The following ZNF875 variants were observed in gnomAD, a reference collection of about 807,000 sequenced individuals.
ZNF875 encodes the protein HKR1, GLI-Kruppel zinc finger family member.
ZNF875 carries 14 observed loss-of-function variants against 11.2 expected under a neutral mutation model. The ratio of observed to expected loss-of-function variants is 1.26; its 90% CI spans 0.83 to 1.96. The LOEUF is 1.96. Among genes scored for constraint, ZNF875 ranks in the 30% most tolerant of loss-of-function variants. The probability of loss-of-function intolerance (pLI) is 0.00; values close to 1 mark genes in which losing one functional copy is unlikely to be tolerated. For missense variants in ZNF875, 752 were observed against 760.4 expected (o/e 0.99, Z 0.13); for synonymous variants, 301 against 281.1 (o/e 1.07, Z -0.71).
chr19:37,350,994 G>A (rs2037797017), intron 4 of ZNF875, among the ~76,000 whole-genome samples: 1 of 151,626 alleles, frequency 6.6e-6, no homozygotes. Context: ...AGTAGAGACG[G>A]GGTTTCACCA....
chr19:37,344,699 C>T, intron 2 of ZNF875: 1 of 1,613,970 alleles, frequency 6.2e-7, no homozygotes. Flanking sequence ...GGGTCAACCA[C>T]ACAGTGTCTA....
chr19:37,343,228 T>C (rs922956433), intron 2 of ZNF875, among the ~76,000 whole-genome samples: 6 of 151,834 alleles, frequency 4.0e-5, no homozygotes, highest in African/African-American at 1.2e-4. Flanking sequence ...TCCCAGCTAC[T>C]TGGGAGGCTG....
In ZNF875 at chr19:37,360,965, A is replaced by C. The variant is rs376113746; in HGVS notation, c.257-1144A>C. Among the ~76,000 whole-genome samples, 41 of 151,934 alleles carry C rather than the reference A, an allele frequency of 2.7e-4. No homozygotes were observed. In the East Asian group the frequency reaches 4.2e-3, roughly 16 times the overall value. ...TTTATATATTTATCTTATATGACCT[A>C]AGTACAATTATGACTTCTAGTTGCT... On this transcript the variant is annotated intron_variant, in intron 4 of 4. Coordinates refer to ENST00000392153, the MANE Select transcript of ZNF875 (RefSeq NM_001353803.2).
At position 37,362,476 on chromosome 19, in the gene ZNF875, A is replaced by T. The variant is rs754267556; in HGVS notation, c.624A>T (p.Leu208=). ...IGSSPERRAD[L]EETDKVLHGL... is the part of the protein sequence containing the mutation. ...CCAGCCCTGAACGGAGGGCAGATCT[A>T]GAGGAAACAGACAAAGTATTGCATG... The change falls in exon 5 of 5, where the codon CTA becomes CTT. Residue 208 remains leucine, a synonymous_variant. Transcript: ENST00000392153. 6.2e-6 allele frequency: 10 copies of T among 1,614,230 alleles called. No homozygotes were observed. Among genetic ancestry groups the T allele is most frequent in the South Asian group, 3.3e-5 (3 of 91,084 alleles).
In ZNF875 at chr19:37,363,200, T is replaced by C. The variant is rs2040263204; in HGVS notation, c.1348T>C (p.Tyr450His). The change falls in exon 5 of 5, where the codon TAT becomes CAT. Residue 450 changes from tyrosine to histidine, a missense_variant. Tyr to His is a moderately conservative substitution (Grantham distance 83, BLOSUM62 2). Transcript: ENST00000392153. The stretch of plus-strand genomic sequence containing the variant: ...GAGGACACACTCAGGGGTTAAACCT[T>C]ATGTCTGCCTGGAGTGCGGGCAGTG... ...HQRTHSGVKP[Y>H]VCLECGQCFS... 1.2e-6 allele frequency: 2 copies of C among 1,613,974 alleles called. No homozygotes were observed. The highest frequency in any genetic ancestry group is 1.7e-6 in the Non-Finnish European group (2 of 1,179,972).
At chr19:37,348,931 A>G (rs2037339160) in intron 4 of ZNF875, among the ~76,000 whole-genome samples, 1 of 152,240 alleles carries the variant, frequency 6.6e-6, no homozygotes, top group Non-Finnish European at 1.5e-5. Flanking sequence ...TGAGTGGCTT[A>G]AACAACAGAA....
intron 4 of ZNF875, among the ~76,000 whole-genome samples, chr19:37,357,159 C>G (rs1295852837): frequency 6.6e-6 from 1 of 152,260 alleles, no homozygotes; most frequent in East Asian, 1.9e-4. Context: ...TCTGGGTTCT[C>G]TGTTCTGTTC....
Position 37,334,745 on chromosome 19 carries a change from C to T in ZNF875, c.-94C>T, listed in dbSNP as rs1295878293. 3.1e-5 allele frequency: 14 copies of T among 456,226 alleles called. No homozygotes were observed. In the East Asian group the frequency reaches 9.0e-4, roughly 29 times the overall value. The allele number at this position is 456,226 out of a possible 1,614,324, so 28.3% of individuals were successfully genotyped here. A position where few individuals can be genotyped will look rare whatever the true frequency, so the allele number is the denominator to read the frequency against. ...CACACCTCTGCACCTTGTTACCTGA[C>T]TTTCGGCTTCAGGATCCGCAGCGTG... On this transcript the variant is annotated 5_prime_UTR_variant, in exon 1 of 5. Coordinates refer to ENST00000392153, the MANE Select transcript of ZNF875 (RefSeq NM_001353803.2).
At chr19:37,360,041 G>C (rs944040582) in intron 4 of ZNF875, among the ~76,000 whole-genome samples, 3 of 152,116 alleles carry the variant, frequency 2.0e-5, no homozygotes, top group Non-Finnish European at 4.4e-5. Context: ...GTTTCTTCTA[G>C]AAGTTTTACA....
At chr19:37,325,550 CT>C (rs34494440) in intron 4 of ZNF875, among the ~76,000 whole-genome samples, 158 of 146,204 alleles carry the variant, frequency 1.1e-3, no homozygotes, top group Middle Eastern at 3.6e-3. Context: ...AAATCATTTA[CT>C]TTTTTTTTTT....
chr19:37,317,936 A>G (rs1244247478), exon 1 of ZNF875: 1 of 154,936 alleles, frequency 6.5e-6, no homozygotes, highest in Non-Finnish European at 1.4e-5. Context: ...GTCCGAGTGC[A>G]CAGTGGCCAG....
At chr19:37,358,874 A>G (rs115604943) in intron 4 of ZNF875, among the ~76,000 whole-genome samples, 1 of 151,762 alleles carries the variant, frequency 6.6e-6, no homozygotes, top group African/African-American at 2.4e-5. Context: ...CCATAAAATT[A>G]CTTATTGTAT....
In ZNF875 at chr19:37,347,314, T is replaced by G. The variant is rs1157313971; in HGVS notation, c.158T>G (p.Leu53Arg). ...MLETYNHLVS[L>R]EIPSSKPKLI... ...GAGACTTATAACCATCTGGTCTCAC[T>G]GGGTAAGAATGGCCTCCCTTGGCAC... Residue 53 changes from leucine (L) to arginine (R), a missense_variant and splice_region_variant, in exon 3 of 5, where the codon CTG (leucine) becomes CGG (arginine). Coordinates refer to ENST00000392153, the MANE Select transcript of ZNF875 (RefSeq NM_001353803.2). 1 of 1,611,534 alleles carries G rather than the reference T, an allele frequency of 6.2e-7. No individual in the cohort carries two copies. Among genetic ancestry groups the G allele is most frequent in the Non-Finnish European group, 8.5e-7 (1 of 1,178,398 alleles).
chr19:37,347,584 C>T (rs2037051673), intron 3 of ZNF875, 193 bp from the exon 4 acceptor site: 1 of 610,266 alleles, frequency 1.6e-6, no homozygotes, highest in Non-Finnish European at 2.9e-6. Context: ...ATTTTTCATA[C>T]ACCAAGTGTT....
intron 4 of ZNF875, chr19:37,358,107 G>A: frequency 3.3e-6 from 1 of 298,822 alleles, no homozygotes; most frequent in African/African-American, 2.5e-5. Flanking sequence ...TTTATCCGAT[G>A]CTTTTTTTAC....
chr19:37,347,463 G>C, intron 3 of ZNF875, 147 bp downstream of exon 3: 1 of 731,540 alleles, frequency 1.4e-6, no homozygotes, highest in East Asian at 2.7e-5. Flanking sequence ...TCTGGATTTA[G>C]TAGAATTGAA....
chr19:37,323,176 CAG>C (rs1203910838), intron 2 of ZNF875, among the ~76,000 whole-genome samples: 1 of 149,134 alleles, frequency 6.7e-6, no homozygotes, highest in African/African-American at 2.5e-5. Flanking sequence ...TTTTTTGAAA[CAG>C]AGTCTCACTC....
At chr19:37,353,529 T>C (rs921297681) in intron 4 of ZNF875, among the ~76,000 whole-genome samples, 4 of 152,238 alleles carry the variant, frequency 2.6e-5, no homozygotes, top group African/African-American at 9.6e-5. Context: ...CACTCCTTAA[T>C]GTAGATACAA....
chr19:37,336,513 A>G (rs1277832190), intron 2 of ZNF875, among the ~76,000 whole-genome samples: 2 of 147,228 alleles, frequency 1.4e-5, no homozygotes, highest in Non-Finnish European at 3.0e-5. Context: ...GTCAGCCAGG[A>G]TGGTCTCGAT....
Sources: gnomAD v4.1 joint callset for allele counts (sites outside exome capture counted in the v4.1 genomes callset) on GRCh38, gnomAD v4.1.1 for gene constraint, MANE v1.5 for transcripts, NCBI Gene and HGNC (gene_info 2026-07-23, HGNC 2026-07-21) for gene names.